Variants in GATA6 observed in about 807,000 individuals in gnomAD.
GATA6 encodes GATA binding protein 6.
Under a neutral mutation model 48.1 loss-of-function variants are expected in GATA6, and 11 were observed. The observed-to-expected ratio is 0.23, with a 90% CI of 0.14 to 0.38. The LOEUF is 0.38. Ranked by LOEUF, GATA6 falls within the 10% of genes least tolerant of loss-of-function variation. The pLI, the probability that GATA6 is intolerant of heterozygous loss-of-function variation, is 1.00. For synonymous variants in GATA6, 419 were observed against 396.1 expected (o/e 1.06, Z -0.69); for missense variants, 795 against 850.3 (o/e 0.93, Z 0.81).
Position 22,172,355 on chromosome 18 carries a change from A to G in GATA6, c.1135+76A>G. 6.7e-7 allele frequency: 1 copy of G among 1,495,484 alleles called. No individual in the cohort carries two copies. Among genetic ancestry groups the G allele is most frequent in the African/African-American group, 1.4e-5 (1 of 71,752 alleles). The allele number at this position is 1,495,484 out of a possible 1,614,324, so 92.6% of individuals were successfully genotyped here. ...ACGGGGGACGTGGAGCAGCTGCTCC[A>G]CTCGGGCCCTGTTTTCAGGACTTTC... On this transcript the variant is annotated intron_variant, in intron 2 of 6. Transcript: ENST00000269216. The surrounding 1 kb of genome is among the most constrained non-coding windows in gnomAD (Gnocchi z 5.2).
intron 6 of GATA6, among the ~76,000 whole-genome samples, chr18:22,189,616 G>A (rs187765444): frequency 1.5e-3 from 232 of 152,304 alleles, no homozygotes; most frequent in African/African-American, 4.1e-3. Context: ...GTATGAAGGC[G>A]AGCTCTGATG....
chr18:22,195,915 C>T (rs928493027), intron 6 of GATA6, among the ~76,000 whole-genome samples: 10 of 152,162 alleles, frequency 6.6e-5, no homozygotes, highest in African/African-American at 1.9e-4. Context: ...GCTTCCTTTG[C>T]GGAGCCTTTC....
chr18:22,172,143 T>G lies in GATA6; in HGVS notation c.999T>G (p.His333Gln). 1.9e-6 allele frequency: 2 copies of G among 1,077,472 alleles called. No homozygotes were observed. The highest frequency in any genetic ancestry group is 2.5e-6 in the Non-Finnish European group (2 of 790,576). 66.7% of individuals were successfully genotyped at this position (1,077,472 alleles called of 1,614,324 possible). The change falls in exon 2 of 7, where the codon CAT (histidine) becomes CAG (glutamine). Residue 333 changes from histidine to glutamine, a missense_variant. Coordinates refer to ENST00000269216, the MANE Select transcript of GATA6 (RefSeq NM_005257.6). This position sits in a 1 kb window ranked among gnomAD's most constrained non-coding sequence, Gnocchi z 5.2. The part of the protein sequence containing the change: ...YHHHHHHHHH[H>Q]PSPYSPYVGA... ...ACCACCACCACCACCACCACCACCA[T>G]CCGAGCCCCTACTCGCCCTACGTGG...
chr18:22,181,640 G>A, intron 4 of GATA6, 62 bp downstream of exon 4: 2 of 1,582,494 alleles, frequency 1.3e-6, no homozygotes, highest in South Asian at 1.1e-5. Flanking sequence ...TGTGATATCA[G>A]TTACAAAGAA....
At chr18:22,194,241 C>G (rs1373612253) in intron 6 of GATA6, among the ~76,000 whole-genome samples, 1 of 152,234 alleles carries the variant, frequency 6.6e-6, no homozygotes, top group Non-Finnish European at 1.5e-5. Context: ...CCACCTAACC[C>G]GGCCAGCTTT....
intron 2 of GATA6, among the ~76,000 whole-genome samples, chr18:22,175,921 C>T (rs947739370): frequency 1.3e-5 from 2 of 152,026 alleles, no homozygotes; most frequent in Admixed American, 6.6e-5. Context: ...CCTTAAATGG[C>T]GGTCTATACT....
At chr18:22,176,110 A>C (rs1476075482) in intron 2 of GATA6, among the ~76,000 whole-genome samples, 3 of 152,250 alleles carry the variant, frequency 2.0e-5, no homozygotes. Flanking sequence ...AATAATAATA[A>C]AATTATGTAA....
intron 2 of GATA6, among the ~76,000 whole-genome samples, chr18:22,174,647 T>G (rs1271138716): frequency 6.6e-6 from 1 of 151,780 alleles, no homozygotes; most frequent in Non-Finnish European, 1.5e-5. Context: ...GGGTGAAGGG[T>G]GGGGAGCGAG....
At chr18:22,173,691 C>T (rs2033085641) in intron 2 of GATA6, among the ~76,000 whole-genome samples, 3 of 152,170 alleles carry the variant, frequency 2.0e-5, no homozygotes, top group Non-Finnish European at 2.9e-5. Flanking sequence ...TTTGCTCTGT[C>T]GCCCAGTCTG....
Position 22,169,664 on chromosome 18 carries a change from T to C in GATA6, c.-56T>C, listed in dbSNP as rs1363432414. 1 of 152,314 alleles carries C rather than the reference T, an allele frequency of 6.6e-6. No individual in the cohort carries two copies. The highest frequency in any genetic ancestry group is 2.4e-5 in the African/African-American group (1 of 41,436). The allele number at this position is 152,314 out of a possible 1,614,324, so 9.4% of individuals were successfully genotyped here. On this transcript the variant is annotated 5_prime_UTR_variant, in exon 1 of 7. The change abolishes an upstream ATG in the 5' untranslated region. Transcript: ENST00000269216. ...CACCCTCCGCCGCGGCCGTTCTCCATGCGCAGCGCCCGCCCGAGGTTCGGC... is the reference window on the plus strand; with the variant it reads ...CACCCTCCGCCGCGGCCGTTCTCCACGCGCAGCGCCCGCCCGAGGTTCGGC...
intron 6 of GATA6, among the ~76,000 whole-genome samples, chr18:22,197,961 C>T (rs144395494): frequency 3.5e-4 from 54 of 152,168 alleles, no homozygotes; most frequent in African/African-American, 1.3e-3. Flanking sequence ...GATCCTGGCT[C>T]CCCACAAAGC....
intron 6 of GATA6, among the ~76,000 whole-genome samples, chr18:22,198,838 A>G (rs539893129): frequency 1.1e-4 from 17 of 152,260 alleles, no homozygotes; most frequent in African/African-American, 3.9e-4. Context: ...ACAAGAATCC[A>G]TCTGAAGCTT....
chr18:22,193,918 A>G (rs1445468069), intron 6 of GATA6, among the ~76,000 whole-genome samples: 2 of 152,112 alleles, frequency 1.3e-5, no homozygotes, highest in African/African-American at 4.8e-5. Flanking sequence ...TTGCCTTCCC[A>G]TCAGAAGCTG....
intron 6 of GATA6, among the ~76,000 whole-genome samples, chr18:22,190,029 ATTAG>A (rs1407675348): frequency 6.6e-6 from 1 of 152,230 alleles, no homozygotes; most frequent in Non-Finnish European, 1.5e-5. Flanking sequence ...AATATGCGAT[ATTAG>A]TTCATTTCTT....
intron 6 of GATA6, among the ~76,000 whole-genome samples, chr18:22,187,078 A>T (rs986768974): frequency 2.6e-5 from 4 of 152,180 alleles, no homozygotes; most frequent in Admixed American, 2.6e-4. Context: ...TAAATTTTTG[A>T]TAAATGGTTG....
rs146624465 is a variant in GATA6, at chr18:22,181,470, T to C, written c.1320T>C (p.Leu440=). ...GTTTCTAGCCTTCATCACGGCGGCT[T>C]GGATTGTCCTGTGCCAACTGTCACA... The part of the protein sequence containing the change: ...PQKRVPSSRR[L]GLSCANCHTT... The change falls in exon 4 of 7, where the codon CTT becomes CTC. Residue 440 remains leucine, a synonymous_variant. Transcript: ENST00000269216. 2.6e-5 allele frequency: 42 copies of C among 1,614,120 alleles called. No individual in the cohort carries two copies. The African/African-American group carries it at 4.1e-4, about 16-fold the overall frequency.
chr18:22,177,248 C>A, intron 3 of GATA6, 127 bp downstream of exon 3: 1 of 849,198 alleles, frequency 1.2e-6, no homozygotes, highest in Non-Finnish European at 1.7e-6. Context: ...CCGCTGCGGT[C>A]CCACCCTAGC....
At chr18:22,175,453 AACAAAG>A (rs922557191) in intron 2 of GATA6, 2 of 152,344 alleles carry the variant, frequency 1.3e-5, no homozygotes, top group African/African-American at 4.8e-5. Flanking sequence ...TAAAGTCAAC[AACAAAG>A]ACAAATACCT....
intron 6 of GATA6, among the ~76,000 whole-genome samples, chr18:22,197,495 C>T (rs569420899): frequency 1.3e-5 from 2 of 152,314 alleles, no homozygotes; most frequent in East Asian, 3.9e-4. Flanking sequence ...TCTTTTGCTT[C>T]ATCCTTCTGT....
Sources: allele counts gnomAD v4.1 joint callset (sites outside exome capture counted in the v4.1 genomes callset), GRCh38; gene constraint gnomAD v4.1.1; non-coding constraint Gnocchi (gnomAD v3.1); transcripts MANE v1.5; gene names NCBI Gene and HGNC (gene_info 2026-07-23, HGNC 2026-07-21).